Variants in KCNAB1 observed in about 807,000 individuals in gnomAD.
The protein encoded by KCNAB1 is potassium voltage-gated channel subfamily A regulatory beta subunit 1, also known as voltage-gated potassium channel subunit beta-1.
KCNAB1 carries 35 observed loss-of-function variants against 64.6 expected under a neutral mutation model. The ratio of observed to expected loss-of-function variants is 0.54; its 90% confidence interval spans 0.41 to 0.72. KCNAB1 has a LOEUF of 0.72. KCNAB1 is among the 30% of genes least tolerant of loss of function. The pLI, the probability that KCNAB1 is intolerant of heterozygous loss-of-function variation, is 0.00. For synonymous variants in KCNAB1, 177 were observed against 183.8 expected (o/e 0.96, Z 0.30); for missense variants, 401 against 512.9 (o/e 0.78, Z 2.11).
At chr3:156,241,631 G>A (rs756717105) in intron 1 of KCNAB1, among the ~76,000 whole-genome samples, 39 of 152,046 alleles carry the variant, frequency 2.6e-4, no homozygotes, top group Admixed American at 3.3e-4. Context: ...GCTCCCCCTG[G>A]GGCTGCGTGC....
intron 1 of KCNAB1, among the ~76,000 whole-genome samples, chr3:156,311,125 A>G (rs889379798): frequency 2.6e-5 from 4 of 152,136 alleles, no homozygotes; most frequent in African/African-American, 9.7e-5. Context: ...AGGATCAGGG[A>G]TGGAAAGAGA....
chr3:156,378,719 G>A (rs555239973), intron 1 of KCNAB1, among the ~76,000 whole-genome samples: 8 of 152,094 alleles, frequency 5.3e-5, no homozygotes, highest in African/African-American at 1.7e-4. Context: ...TTCATCTTGC[G>A]GTCTCTAGAA....
At chr3:156,384,108 G>T (rs1033056566) in intron 1 of KCNAB1, among the ~76,000 whole-genome samples, 20 of 152,218 alleles carry the variant, frequency 1.3e-4, no homozygotes, top group Non-Finnish European at 2.8e-4. Flanking sequence ...TTAAAGGGTT[G>T]TATAAAATTA....
intron 1 of KCNAB1, among the ~76,000 whole-genome samples, chr3:156,332,280 A>G (rs1723389660): frequency 6.6e-6 from 1 of 152,196 alleles, no homozygotes; most frequent in Admixed American, 6.5e-5. Flanking sequence ...TCAGGCATAA[A>G]TAGTTTGATG....
intron 1 of KCNAB1, among the ~76,000 whole-genome samples, chr3:156,302,901 G>C (rs1010715286): frequency 6.6e-6 from 1 of 152,104 alleles, no homozygotes; most frequent in African/African-American, 2.4e-5. Flanking sequence ...TGAGATATGG[G>C]AATAGAACTT....
At chr3:156,337,217 A>G (rs990895897) in intron 1 of KCNAB1, among the ~76,000 whole-genome samples, 2 of 152,232 alleles carry the variant, frequency 1.3e-5, no homozygotes, top group African/African-American at 4.8e-5. Context: ...GAAATAAATC[A>G]TCACCTGAGA....
rs989840495 is a variant in KCNAB1, at chr3:156,186,844, G to A, written c.275+65958G>A. On this transcript the variant is annotated intron_variant, in intron 1 of 13. Coordinates refer to ENST00000490337, the MANE Select transcript of KCNAB1 (RefSeq NM_172160.3). ...GGCATTGTTTTTCTGACCCTCCTTA[G>A]CATCTTTTTTTTTTTTTTCTTTCTG... is the stretch of plus-strand genomic sequence containing the variant. Among the ~76,000 whole-genome samples the A allele has an allele frequency of 3.0e-4, 34 of 115,136 alleles. 1 individual carries two copies. The highest frequency in any genetic ancestry group is 0.011 in the Middle Eastern group (2 of 180). 75.5% of individuals were successfully genotyped at this position (115,136 alleles called of 152,430 possible).
intron 1 of KCNAB1, among the ~76,000 whole-genome samples, chr3:156,282,410 TGTG>T (rs1274505287): frequency 2.8e-5 from 4 of 142,718 alleles, no homozygotes; most frequent in East Asian, 4.2e-4. Flanking sequence ...TTGGAATAGG[TGTG>T]GTGTGGTGCT....
intron 1 of KCNAB1, among the ~76,000 whole-genome samples, chr3:156,364,682 G>C (rs987800488): frequency 3.3e-5 from 5 of 152,152 alleles, no homozygotes; most frequent in African/African-American, 1.2e-4. Context: ...GGAGGCTGAG[G>C]CAGGAGAATT....
At chr3:156,394,809 T>A (rs1441400815) in intron 1 of KCNAB1, among the ~76,000 whole-genome samples, 2 of 152,226 alleles carry the variant, frequency 1.3e-5, no homozygotes, top group Non-Finnish European at 2.9e-5. Flanking sequence ...TGAGAAAGAA[T>A]GTACCAGGAG....
chr3:156,521,438 G>T (rs1268335148), intron 11 of KCNAB1, among the ~76,000 whole-genome samples: 2 of 152,186 alleles, frequency 1.3e-5, no homozygotes, highest in African/African-American at 4.8e-5. Flanking sequence ...CCACCATATT[G>T]GTTGAGCCCC....
At chr3:156,182,344 A>T (rs1435709021) in intron 1 of KCNAB1, among the ~76,000 whole-genome samples, 2 of 152,206 alleles carry the variant, frequency 1.3e-5, no homozygotes, top group Non-Finnish European at 2.9e-5. Context: ...AAAAAGGCTC[A>T]TGAAAATCCT....
intron 1 of KCNAB1, among the ~76,000 whole-genome samples, chr3:156,292,889 T>G (rs921819660): frequency 6.6e-6 from 1 of 152,208 alleles, no homozygotes; most frequent in Admixed American, 6.5e-5. Context: ...ATACAAAGCT[T>G]TTTAAAGAAG....
At chr3:156,456,501 C>T (rs1024942489) in intron 3 of KCNAB1, among the ~76,000 whole-genome samples, 2 of 152,148 alleles carry the variant, frequency 1.3e-5, no homozygotes, top group African/African-American at 4.8e-5. Context: ...GCAGTAATAG[C>T]ATACTATTAT....
At chr3:156,312,387 T>A (rs1387323977) in intron 1 of KCNAB1, among the ~76,000 whole-genome samples, 1 of 152,166 alleles carries the variant, frequency 6.6e-6, no homozygotes, top group Non-Finnish European at 1.5e-5. Flanking sequence ...TTTCATGTGC[T>A]AAAACCAACA....
At chr3:156,431,680 G>A (rs1716220231) in intron 2 of KCNAB1, among the ~76,000 whole-genome samples, 3 of 152,194 alleles carry the variant, frequency 2.0e-5, no homozygotes, top group Admixed American at 2.0e-4. Flanking sequence ...TCCACAGTAA[G>A]CCAACAGAAA....
intron 1 of KCNAB1, among the ~76,000 whole-genome samples, chr3:156,223,367 C>T (rs1035030887): frequency 2.0e-5 from 3 of 152,274 alleles, no homozygotes; most frequent in African/African-American, 4.8e-5. Flanking sequence ...GCCCTACCCA[C>T]ATCCTGCTGA....
intron 1 of KCNAB1, among the ~76,000 whole-genome samples, chr3:156,420,716 A>G (rs1410657850): frequency 6.6e-6 from 1 of 152,186 alleles, no homozygotes; most frequent in Non-Finnish European, 1.5e-5. Context: ...CACTAATGCT[A>G]TGAGGCACCC....
chr3:156,368,160 T>C (rs556587652), intron 1 of KCNAB1, among the ~76,000 whole-genome samples: 17 of 152,308 alleles, frequency 1.1e-4, no homozygotes, highest in Non-Finnish European at 2.4e-4. Context: ...CCAGTGTGTC[T>C]TCCATGCAAT....
Sources: gnomAD v4.1 joint callset for allele counts (sites outside exome capture counted in the v4.1 genomes callset) on GRCh38, gnomAD v4.1.1 for gene constraint, MANE v1.5 for transcripts, NCBI Gene and HGNC (gene_info 2026-07-23, HGNC 2026-07-21) for gene names.